The following CALHM4 variants were observed in gnomAD, a reference collection of about 807,000 sequenced individuals.
CALHM4 encodes the protein calcium homeostasis modulator protein 4.
In CALHM4, 16 loss-of-function variants were observed where a neutral mutation model predicts 13.3. The ratio of observed to expected loss-of-function variants is 1.20; its 90% CI spans 0.81 to 1.82. The LOEUF (loss-of-function observed/expected upper bound fraction) is 1.82, where lower values mean the gene tolerates loss of function less well. CALHM4 is among the 40% of genes most tolerant of loss of function. CALHM4 has a pLI of 0.00. For missense variants in CALHM4, 344 were observed against 374.9 expected, an observed-to-expected ratio of 0.92 and a Z score of 0.68; for synonymous variants, 127 against 137.1, an observed-to-expected ratio of 0.93 and a Z score of 0.52.
chr6:116,535,914 C>G (rs1025864210), intron 1 of CALHM4, among the ~76,000 whole-genome samples: 1 of 152,154 alleles, frequency 6.6e-6, no homozygotes, highest in Non-Finnish European at 1.5e-5. Flanking sequence ...CTCAATTATT[C>G]TATCAGTAAA....
chr6:116,557,791 A>G, intron 1 of CALHM4, 34 bp from the exon 2 acceptor site: 1 of 1,591,360 alleles, frequency 6.3e-7, no homozygotes, highest in Non-Finnish European at 8.6e-7. Context: ...ATGCATTGAT[A>G]CTTCCTGTTT....
chr6:116,530,931 A>ATATATG (rs1554235966), intron 1 of CALHM4, among the ~76,000 whole-genome samples: 1 of 143,738 alleles, frequency 7.0e-6, no homozygotes, highest in East Asian at 2.0e-4. Flanking sequence ...ATATATATAT[A>ATATATG]TATATATATA....
chr6:116,530,275 C>T (rs1007176522), intron 1 of CALHM4, among the ~76,000 whole-genome samples: 2 of 152,180 alleles, frequency 1.3e-5, no homozygotes, highest in Non-Finnish European at 2.9e-5. Context: ...CTGTCTCTGA[C>T]TTGAATGCCC....
At chr6:116,535,810 A>C (rs1419033409) in intron 1 of CALHM4, among the ~76,000 whole-genome samples, 1 of 152,238 alleles carries the variant, frequency 6.6e-6, no homozygotes, top group African/African-American at 2.4e-5. Context: ...ATTTTAAACA[A>C]TTAGTTTGTG....
At chr6:116,530,687 C>A (rs924721766) in intron 1 of CALHM4, among the ~76,000 whole-genome samples, 4 of 151,952 alleles carry the variant, frequency 2.6e-5, no homozygotes, top group African/African-American at 9.7e-5. Flanking sequence ...AGTGCAGAGT[C>A]ATTTTATTTT....
upstream of CALHM4, among the ~76,000 whole-genome samples, chr6:116,551,945 T>C (rs1192715209): frequency 4.6e-5 from 7 of 152,210 alleles, no homozygotes; most frequent in Non-Finnish European, 8.8e-5. Flanking sequence ...TATATAGCTT[T>C]AGTTGTATAT....
At chr6:116,533,648 A>G (rs1359774847) in intron 1 of CALHM4, among the ~76,000 whole-genome samples, 2 of 152,214 alleles carry the variant, frequency 1.3e-5, no homozygotes, top group Non-Finnish European at 2.9e-5. Context: ...TCAGCTTAAA[A>G]CCTGCTGTTC....
At chr6:116,544,719 A>G (rs1388553961) in intron 2 of CALHM4, among the ~76,000 whole-genome samples, 1 of 152,112 alleles carries the variant, frequency 6.6e-6, no homozygotes, top group Non-Finnish European at 1.5e-5. Context: ...TCAAGATCCC[A>G]GAAGGCCAGA....
At chr6:116,553,131 A>T (rs1200033460), upstream of CALHM4, among the ~76,000 whole-genome samples, 2 of 152,254 alleles carry the variant, frequency 1.3e-5, no homozygotes, top group Non-Finnish European at 2.9e-5. Context: ...AAAGATACAT[A>T]TAAACAAATC....
intron 1 of CALHM4, among the ~76,000 whole-genome samples, chr6:116,542,298 CA>C (rs548026128): frequency 1.1e-4 from 17 of 149,574 alleles, no homozygotes; most frequent in South Asian, 1.0e-3. Context: ...GTAGAAATTC[CA>C]AAAAAAAGTC....
intron 1 of CALHM4, among the ~76,000 whole-genome samples, chr6:116,540,855 A>G (rs1218658458): frequency 6.6e-6 from 1 of 152,178 alleles, no homozygotes; most frequent in Non-Finnish European, 1.5e-5. Flanking sequence ...TACATGTGTG[A>G]TACCCGGATG....
chr6:116,548,700 A>G, intron 2 of CALHM4, among the ~76,000 whole-genome samples: 1 of 152,232 alleles, frequency 6.6e-6, no homozygotes, highest in African/African-American at 2.4e-5. Flanking sequence ...GTCAGAGTGC[A>G]TTTAATATAC....
At chr6:116,538,277 A>T (rs1369042608) in intron 1 of CALHM4, among the ~76,000 whole-genome samples, 1 of 152,192 alleles carries the variant, frequency 6.6e-6, no homozygotes, top group Non-Finnish European at 1.5e-5. Context: ...TTCTAACTGG[A>T]TGAGCCAATA....
At chr6:116,537,892 TC>T (rs776243655) in intron 1 of CALHM4, among the ~76,000 whole-genome samples, 56 of 152,204 alleles carry the variant, frequency 3.7e-4, no homozygotes, top group African/African-American at 5.1e-4. Context: ...AATATGTACT[TC>T]CTATTGGCAT....
rs10557481 is a variant in CALHM4 at position 116,530,902 on chromosome 6, CATATATATATATAT to C, written c.-109+1741_-109+1754del. Reference sequence around the variant, plus strand: ...GAAGGTTCATAGATAAAGTGAGACTCATATATATATATATATATATATATATATATATATATATA... The same window carrying C: ...GAAGGTTCATAGATAAAGTGAGACTCATATATATATATATATATATATATA... On this transcript the variant is annotated intron_variant, in intron 1 of 2. Transcript: ENST00000368597. 5.7e-3 allele frequency among the ~76,000 whole-genome samples: 438 copies of C among 76,490 alleles called. 12 individuals carry two copies. Among genetic ancestry groups the C allele is most frequent in the Admixed American group, 0.037 (272 of 7,328 alleles). The allele number at this position is 76,490 out of a possible 152,430, so 50.2% of individuals were successfully genotyped here. A position where few individuals can be genotyped will look rare whatever the true frequency, so the allele number is the denominator to read the frequency against.
At chr6:116,532,849 G>T (rs73769122) in intron 1 of CALHM4, among the ~76,000 whole-genome samples, 1 of 152,170 alleles carries the variant, frequency 6.6e-6, no homozygotes, top group African/African-American at 2.4e-5. Context: ...GGTTAATCAT[G>T]GGTTCCCTTA....
rs542306692 is a variant in CALHM4 at position 116,545,684 on chromosome 6, G to T, written c.-1+1812G>T. On this transcript the variant is annotated intron_variant, in intron 2 of 2. Coordinates refer to the CALHM4 transcript ENST00000368597. ...TTTTGCTCTTTGCTGAGCTGAAGAG[G>T]GAAAAAAACCATGAACAACAGGATT... 1.1e-5 allele frequency: 5 copies of T among 456,262 alleles called. No homozygotes were observed. In the East Asian group the frequency reaches 1.4e-4, roughly 13 times the overall value. 28.3% of individuals were successfully genotyped at this position (456,262 alleles called of 1,614,324 possible).
chr6:116,535,771 C>T (rs1773037613), intron 1 of CALHM4, among the ~76,000 whole-genome samples: 1 of 151,946 alleles, frequency 6.6e-6, no homozygotes, highest in South Asian at 2.1e-4. Context: ...AGAACAGTTA[C>T]CATAGTAGAA....
chr6:116,551,373 G>C (rs1343760813), upstream of CALHM4, among the ~76,000 whole-genome samples: 2 of 152,110 alleles, frequency 1.3e-5, no homozygotes, highest in Admixed American at 1.3e-4. Flanking sequence ...TGTCGGTATA[G>C]ATTAATTTAC....
Sources: allele counts gnomAD v4.1 joint callset (sites outside exome capture counted in the v4.1 genomes callset), GRCh38; gene constraint gnomAD v4.1.1; transcripts MANE v1.5; gene names NCBI Gene and HGNC (gene_info 2026-07-23, HGNC 2026-07-21).